Variants in RPLP1 observed in about 807,000 individuals in gnomAD.
RPLP1 encodes the protein ribosomal protein lateral stalk subunit P1, also known as large ribosomal subunit protein P1.
In RPLP1, 4 loss-of-function variants were observed where a neutral mutation model predicts 11.6. The observed-to-expected ratio is 0.34, with a 90% CI of 0.17 to 0.79. The LOEUF (loss-of-function observed/expected upper bound fraction) is 0.79. Ranked by LOEUF, RPLP1 falls within the 30% of genes least tolerant of loss-of-function variation. The pLI is 0.55. For missense variants in RPLP1, 133 were observed against 142.8 expected, an observed-to-expected ratio of 0.93 and a Z score of 0.35; for synonymous variants, 54 against 52.2, an observed-to-expected ratio of 1.03 and a Z score of -0.15.
At chr15:69,455,389 T>C in intron 3 of RPLP1, 39 bp from the exon 4 acceptor site, 1 of 1,578,178 alleles carries the variant, frequency 6.3e-7, no homozygotes, top group Non-Finnish European at 8.6e-7. Flanking sequence ...GTATATGAAG[T>C]ATGGAAATCC....
At position 69,455,747 on chromosome 15, in the gene RPLP1, AG is replaced by A; in HGVS notation, c.*242del. ...TTGAAAACTGCACTGGGGTGGCAGG[AG>A]GAAGGATCAGAGCAGATGCTTTGTC... On this transcript the variant is annotated 3_prime_UTR_variant, in exon 4 of 4. Coordinates refer to ENST00000260379, the MANE Select transcript of RPLP1 (RefSeq NM_001003.3). 1.9e-6 allele frequency: 1 copy of A among 527,200 alleles called. No individual in the cohort carries two copies. The highest frequency in any genetic ancestry group is 3.4e-6 in the Non-Finnish European group (1 of 298,048). The allele number at this position is 527,200 out of a possible 1,614,324, so 32.7% of individuals were successfully genotyped here.
chr15:69,455,775 A>G lies in RPLP1; in HGVS notation c.*268A>G. The G allele has an allele frequency of 2.2e-6, 1 of 449,500 alleles. No homozygotes were observed. Among genetic ancestry groups the G allele is most frequent in the Non-Finnish European group, 4.0e-6 (1 of 251,944 alleles). The allele number at this position is 449,500 out of a possible 1,614,324, so 27.8% of individuals were successfully genotyped here. On this transcript the variant is annotated 3_prime_UTR_variant, in exon 4 of 4. Transcript: ENST00000260379. ...AAGGATCAGAGCAGATGCTTTGTCC[A>G]GGTTACCTGTGTAAACTTGATGATT...
Position 69,452,940 on chromosome 15 carries a change from G to T in RPLP1, c.-9G>T. 1 of 1,569,696 alleles carries T rather than the reference G, an allele frequency of 6.4e-7. No homozygotes were observed. Among genetic ancestry groups the T allele is most frequent in the African/African-American group, 1.4e-5 (1 of 73,608 alleles). On this transcript the variant is annotated 5_prime_UTR_variant, in exon 1 of 4. Transcript: ENST00000260379. The stretch of plus-strand genomic sequence containing the variant: ...GTCCGGCAGCGCCAGCCCTACACTC[G>T]CCCGCGCCATGGCCTCTGTCTCCGA...
chr15:69,455,321 G>A, intron 3 of RPLP1, 34 bp downstream of exon 3: 1 of 1,543,026 alleles, frequency 6.5e-7, no homozygotes, highest in South Asian at 1.3e-5. Flanking sequence ...ATTGGGAGGA[G>A]TGTAGAGATT....
chr15:69,453,919 G>T (rs1386371362), intron 2 of RPLP1, 198 bp downstream of exon 2: 2 of 585,050 alleles, frequency 3.4e-6, no homozygotes, highest in Admixed American at 6.3e-5. Context: ...TCAGACTCTG[G>T]TTTCCCTTTT....
rs1446726076 is a variant in RPLP1 at position 69,452,875 on chromosome 15, T to G, written c.-74T>G. On this transcript the variant is annotated 5_prime_UTR_variant, in exon 1 of 4. Coordinates refer to ENST00000260379, the MANE Select transcript of RPLP1 (RefSeq NM_001003.3). Reference sequence around the variant, plus strand: ...TCCTTCCGAGGAAGCTAAGGCTGCGTTGGGGTGAGGCCCTCACTTCATCCG... The same window carrying G: ...TCCTTCCGAGGAAGCTAAGGCTGCGGTGGGGTGAGGCCCTCACTTCATCCG... The G allele has an allele frequency of 1.6e-5, 22 of 1,370,212 alleles. No homozygotes were observed. The highest frequency in any genetic ancestry group is 2.2e-5 in the Non-Finnish European group (22 of 991,374). The allele number at this position is 1,370,212 out of a possible 1,614,324, so 84.9% of individuals were successfully genotyped here. A position where few individuals can be genotyped will look rare whatever the true frequency, so the allele number is the denominator to read the frequency against.
Position 69,452,897 on chromosome 15 carries a change from T to A in RPLP1, c.-52T>A. The A allele has an allele frequency of 2.6e-6, 4 of 1,515,264 alleles. No individual in the cohort carries two copies. In the South Asian group the frequency reaches 4.8e-5, roughly 18 times the overall value. 93.9% of individuals were successfully genotyped at this position (1,515,264 alleles called of 1,614,324 possible). ...GCGTTGGGGTGAGGCCCTCACTTCA[T>A]CCGGCGACTAGCACCGCGTCCGGCA... On this transcript the variant is annotated 5_prime_UTR_variant, in exon 1 of 4. Coordinates refer to ENST00000260379, the MANE Select transcript of RPLP1 (RefSeq NM_001003.3).
intron 2 of RPLP1, 72 bp from the exon 3 acceptor site, chr15:69,455,098 T>C: frequency 6.7e-7 from 1 of 1,499,758 alleles, no homozygotes; most frequent in Non-Finnish European, 8.9e-7. Context: ...GGGATACTTT[T>C]CGTTTTTGGC....
chr15:69,452,851 C>T lies in RPLP1; in HGVS notation c.-98C>T, dbSNP rs1892366617. On this transcript the variant is annotated 5_prime_UTR_variant, in exon 1 of 4. Transcript: ENST00000260379. ...CTCAGCTGCCGCCAAGGTGCTCGGT[C>T]CTTCCGAGGAAGCTAAGGCTGCGTT... The T allele has an allele frequency of 3.5e-6, 4 of 1,146,504 alleles. No individual in the cohort carries two copies. The highest frequency in any genetic ancestry group is 1.3e-5 in the South Asian group (1 of 75,816). The allele number at this position is 1,146,504 out of a possible 1,614,324, so 71.0% of individuals were successfully genotyped here. A position where few individuals can be genotyped will look rare whatever the true frequency, so the allele number is the denominator to read the frequency against.
In RPLP1 at chr15:69,455,483, C is replaced by A; in HGVS notation, c.321C>A (p.Asp107Glu). ...KKEESEESDD[D>E]MGFGLFD ...AAGAATCCGAGGAGTCTGATGATGA[C>A]ATGGGCTTTGGTCTTTTTGACTAAA... The change falls in exon 4 of 4, where the codon GAC (aspartate) becomes GAA (glutamate). Residue 107 changes from aspartate to glutamate, a missense_variant. By Grantham distance (45) the Asp-to-Glu change is conservative. Coordinates refer to ENST00000260379, the MANE Select transcript of RPLP1 (RefSeq NM_001003.3). 6.2e-7 allele frequency: 1 copy of A among 1,609,638 alleles called. No homozygotes were observed. Among genetic ancestry groups the A allele is most frequent in the Non-Finnish European group, 8.5e-7 (1 of 1,179,324 alleles).
In RPLP1 at chr15:69,453,803, G is replaced by T. The variant is rs561614930; in HGVS notation, c.147+82G>T. 15 of 1,399,942 alleles carry T rather than the reference G, an allele frequency of 1.1e-5. No individual in the cohort carries two copies. The Admixed American group carries it at 2.5e-4, about 24-fold the overall frequency. The allele number at this position is 1,399,942 out of a possible 1,614,324, so 86.7% of individuals were successfully genotyped here. ...TGTACATGCTAAAGTACCCCCAGCGGTGCCATAACGCCCCACATGCCGCTG... is the reference window on the plus strand; with the variant it reads ...TGTACATGCTAAAGTACCCCCAGCGTTGCCATAACGCCCCACATGCCGCTG... On this transcript the variant is annotated intron_variant, in intron 2 of 3. Coordinates refer to ENST00000260379, the MANE Select transcript of RPLP1 (RefSeq NM_001003.3).
rs1892426876 is a variant in RPLP1, at chr15:69,455,766, GCTTTGTCCAGGTTA to G, written c.*261_*274del. ...GGCAGGAGGAAGGATCAGAGCAGAT[GCTTTGTCCAGGTTA>G]CCTGTGTAAACTTGATGATTATAAG... On this transcript the variant is annotated 3_prime_UTR_variant, in exon 4 of 4. Coordinates refer to ENST00000260379, the MANE Select transcript of RPLP1 (RefSeq NM_001003.3). 2.1e-6 allele frequency: 1 copy of G among 473,362 alleles called. No homozygotes were observed. Among genetic ancestry groups the G allele is most frequent in the African/African-American group, 1.9e-5 (1 of 51,354 alleles). The allele number at this position is 473,362 out of a possible 1,614,324, so 29.3% of individuals were successfully genotyped here.
Position 69,453,705 on chromosome 15 carries a change from C to T in RPLP1, c.131C>T (p.Pro44Leu). 6.2e-7 allele frequency: 1 copy of T among 1,614,092 alleles called. No homozygotes were observed. Among genetic ancestry groups the T allele is most frequent in the Non-Finnish European group, 8.5e-7 (1 of 1,180,010 alleles). Reference sequence around the variant, plus strand: ...GGTGTAAATGTTGAGCCTTTTTGGCCTGGCTTGTTTGCAAAGGTAAGGTGA... The same window carrying T: ...GGTGTAAATGTTGAGCCTTTTTGGCTTGGCTTGTTTGCAAAGGTAAGGTGA... Reference protein sequence around the residue: ...AAGVNVEPFWPGLFAKALANV... With the variant: ...AAGVNVEPFWLGLFAKALANV... The change falls in exon 2 of 4, where the codon CCT (proline) becomes CTT (leucine). Residue 44 changes from proline (P) to leucine (L), a missense_variant. Physicochemically the swap from Pro to Leu is moderately conservative, Grantham distance 98. Coordinates refer to ENST00000260379, the MANE Select transcript of RPLP1 (RefSeq NM_001003.3).
Position 69,455,653 on chromosome 15 carries a change from T to A in RPLP1, c.*146T>A. The A allele has an allele frequency of 3.2e-6, 2 of 627,224 alleles. No individual in the cohort carries two copies. The highest frequency in any genetic ancestry group is 4.0e-5 in the South Asian group (2 of 49,682). 38.9% of individuals were successfully genotyped at this position (627,224 alleles called of 1,614,324 possible). On this transcript the variant is annotated 3_prime_UTR_variant, in exon 4 of 4. Transcript: ENST00000260379. Reference sequence around the variant, plus strand: ...GCCATGACACAGGCTGGATTTTCCCTGCCACCATTGCCGGATGTGAGATTT... The same window carrying A: ...GCCATGACACAGGCTGGATTTTCCCAGCCACCATTGCCGGATGTGAGATTT...
Position 69,452,826 on chromosome 15 carries a change from C to A in RPLP1, c.-123C>A. 1.1e-6 allele frequency: 1 copy of A among 905,916 alleles called. No homozygotes were observed. Among genetic ancestry groups the A allele is most frequent in the South Asian group, 1.5e-5 (1 of 68,112 alleles). The allele number at this position is 905,916 out of a possible 1,614,324, so 56.1% of individuals were successfully genotyped here. A position where few individuals can be genotyped will look rare whatever the true frequency, so the allele number is the denominator to read the frequency against. Reference sequence around the variant, plus strand: ...GCGTATAGGCGCGAGAGCCCCTTTCCTCAGCTGCCGCCAAGGTGCTCGGTC... The same window carrying A: ...GCGTATAGGCGCGAGAGCCCCTTTCATCAGCTGCCGCCAAGGTGCTCGGTC... On this transcript the variant is annotated 5_prime_UTR_variant, in exon 1 of 4. Transcript: ENST00000260379.
intron 1 of RPLP1, chr15:69,453,411 C>G: frequency 1.7e-6 from 1 of 593,790 alleles, no homozygotes; most frequent in Non-Finnish European, 3.0e-6. Context: ...GAGCTCGGCT[C>G]CACCTCCCAG....
Position 69,452,853 on chromosome 15 carries a change from T to G in RPLP1, c.-96T>G. 2.5e-6 allele frequency: 3 copies of G among 1,193,156 alleles called. No individual in the cohort carries two copies. The highest frequency in any genetic ancestry group is 3.6e-6 in the Non-Finnish European group (3 of 833,430). 73.9% of individuals were successfully genotyped at this position (1,193,156 alleles called of 1,614,324 possible). ...CAGCTGCCGCCAAGGTGCTCGGTCCTTCCGAGGAAGCTAAGGCTGCGTTGG... is the reference window on the plus strand; with the variant it reads ...CAGCTGCCGCCAAGGTGCTCGGTCCGTCCGAGGAAGCTAAGGCTGCGTTGG... On this transcript the variant is annotated 5_prime_UTR_variant, in exon 1 of 4. Coordinates refer to ENST00000260379, the MANE Select transcript of RPLP1 (RefSeq NM_001003.3).
chr15:69,453,783 A>G (rs1331958425), intron 2 of RPLP1, 62 bp downstream of exon 2: 1 of 1,558,426 alleles, frequency 6.4e-7, no homozygotes, highest in East Asian at 2.2e-5. Context: ...GCAGTTGTAC[A>G]TGCTAAAGTA....
intron 2 of RPLP1, 165 bp downstream of exon 2, chr15:69,453,886 T>A (rs1240880723): frequency 1.4e-5 from 9 of 640,520 alleles, no homozygotes; most frequent in Non-Finnish European, 2.5e-5. Flanking sequence ...AGATTTCAGC[T>A]TGTCAAGTCT....
Sources: gnomAD v4.1 joint callset for allele counts on GRCh38, gnomAD v4.1.1 for gene constraint, MANE v1.5 for transcripts, NCBI Gene and HGNC (gene_info 2026-07-23, HGNC 2026-07-21) for gene names.